MED12L: variants seen among roughly 807,000 people sequenced by gnomAD.
MED12L encodes mediator complex subunit 12L, also known as mediator of RNA polymerase II transcription subunit 12-like protein.
In MED12L, 60 loss-of-function variants were observed where a neutral mutation model predicts 281.3. That is an observed-to-expected ratio of 0.21 (90% CI 0.17 to 0.26). The LOEUF is 0.26. MED12L is among the 10% of genes least tolerant of loss of function. MED12L has a pLI of 1.00. For missense variants in MED12L, 2,146 were observed against 2,680.9 expected, an observed-to-expected ratio of 0.80 and a Z score of 4.41; for synonymous variants, 974 against 987.2, an observed-to-expected ratio of 0.99 and a Z score of 0.25.
chr3:151,122,874 A>G lies in MED12L; in HGVS notation c.296A>G (p.Lys99Arg), dbSNP rs201808479. 1 of 1,612,978 alleles carries G rather than the reference A, an allele frequency of 6.2e-7. No individual in the cohort carries two copies. The highest frequency in any genetic ancestry group is 8.5e-7 in the Non-Finnish European group (1 of 1,179,460). Residue 99 changes from lysine to arginine, a missense_variant, in exon 4 of 45, where the codon AAA becomes AGA. Coordinates refer to ENST00000687756, the MANE Select transcript of MED12L (RefSeq NM_001393769.1). ...AAGAAGAAACCACAAGTTAATGCTA[A>G]AGATAATTATTGGCTGGTTACTGCT... ...TGKKKPQVNA[K>R]DNYWLVTARS...
intron 16 of MED12L, chr3:151,329,137 A>G (rs1364211373): frequency 1.5e-6 from 1 of 663,118 alleles, no homozygotes; most frequent in Admixed American, 3.4e-5. Context: ...AACACTTTCA[A>G]TAGATGTGTT....
intron 12 of MED12L, 45 bp from the exon 13 acceptor site, chr3:151,188,309 A>T (rs368130202): frequency 6.7e-7 from 1 of 1,495,488 alleles, no homozygotes; most frequent in Non-Finnish European, 9.3e-7. Context: ...ATCTGTTATG[A>T]CTATACTTCT....
chr3:151,371,452 G>C (rs1756174566), intron 26 of MED12L, among the ~76,000 whole-genome samples: 1 of 152,116 alleles, frequency 6.6e-6, no homozygotes, highest in South Asian at 2.1e-4. Flanking sequence ...TACTCTTTGT[G>C]TTTGTATTTT....
intron 6 of MED12L, among the ~76,000 whole-genome samples, chr3:151,157,761 C>T (rs1211162061): frequency 1.3e-5 from 2 of 152,126 alleles, no homozygotes; most frequent in African/African-American, 4.8e-5. Flanking sequence ...TCACATGAAT[C>T]CTTGATAACC....
chr3:151,179,375 A>T (rs1053865196), intron 11 of MED12L, among the ~76,000 whole-genome samples: 1 of 152,056 alleles, frequency 6.6e-6, no homozygotes, highest in Admixed American at 6.5e-5. Context: ...AGAAACATAT[A>T]CTTTATTTGG....
At chr3:151,321,417 C>T (rs1391837540) in intron 16 of MED12L, among the ~76,000 whole-genome samples, 1 of 152,056 alleles carries the variant, frequency 6.6e-6, no homozygotes. Context: ...ACTTAGGAAA[C>T]TCAGTTGTAC....
intron 2 of MED12L, among the ~76,000 whole-genome samples, chr3:151,099,569 A>G (rs1470112925): frequency 2.6e-5 from 4 of 152,162 alleles, no homozygotes; most frequent in Admixed American, 2.0e-4. Flanking sequence ...TCTGCATTCA[A>G]TCTGTTTTGA....
At chr3:151,190,602 T>C (rs1723845557) in intron 13 of MED12L, 115 bp from the exon 14 acceptor site, 9 of 943,926 alleles carry the variant, frequency 9.5e-6, no homozygotes, top group Non-Finnish European at 1.4e-5. Context: ...CCAATAGATC[T>C]TTTTTTTCCC....
In MED12L at chr3:151,434,894, CTT is replaced by C. The variant is rs1173031527; in HGVS notation, c.*2095_*2096del. ...TGCACATGAAAGCTGTGGGGCATAT[CTT>C]TTTTCTTTTTTTAGGTGAGGAAGTT... On this transcript the variant is annotated 3_prime_UTR_variant, in exon 45 of 45. Coordinates refer to ENST00000687756, the MANE Select transcript of MED12L (RefSeq NM_001393769.1). The C allele has an allele frequency of 6.6e-6, 1 of 152,038 alleles. No homozygotes were observed. Among genetic ancestry groups the C allele is most frequent in the Non-Finnish European group, 1.5e-5 (1 of 67,986 alleles). 9.4% of individuals were successfully genotyped at this position (152,038 alleles called of 1,614,324 possible).
intron 11 of MED12L, among the ~76,000 whole-genome samples, chr3:151,169,095 TC>T (rs1227451269): frequency 6.6e-6 from 1 of 151,076 alleles, no homozygotes; most frequent in Admixed American, 6.7e-5. Context: ...GTTACTGTTT[TC>T]TTTTTCTTTG....
intron 16 of MED12L, among the ~76,000 whole-genome samples, chr3:151,211,052 A>G (rs189362509): frequency 1.3e-4 from 20 of 152,292 alleles, no homozygotes; most frequent in Admixed American, 9.8e-4. Context: ...CGCTGGGTTA[A>G]TTTATTATTG....
chr3:151,122,659 A>C lies in MED12L; in HGVS notation c.205-124A>C. 3 of 675,876 alleles carry C rather than the reference A, an allele frequency of 4.4e-6. No homozygotes were observed. The Middle Eastern group carries it at 1.2e-3, about 277-fold the overall frequency. The allele number at this position is 675,876 out of a possible 1,614,324, so 41.9% of individuals were successfully genotyped here. ...CTTGGCTTCAAAGACTTAAATTCCC[A>C]ATTTATTTTCTGATGGGATGTATGA... On this transcript the variant is annotated intron_variant, in intron 3 of 44. Transcript: ENST00000687756.
At chr3:151,241,473 C>G (rs941394570) in intron 16 of MED12L, among the ~76,000 whole-genome samples, 1 of 152,094 alleles carries the variant, frequency 6.6e-6, no homozygotes, top group African/African-American at 2.4e-5. Flanking sequence ...GTTGAAGAAA[C>G]ACTAAAGGCA....
chr3:151,399,125 T>A (rs1368810029), intron 39 of MED12L, among the ~76,000 whole-genome samples: 2 of 152,192 alleles, frequency 1.3e-5, no homozygotes, highest in Non-Finnish European at 1.5e-5. Context: ...TACACTATCT[T>A]TCTGTGCCTC....
intron 11 of MED12L, among the ~76,000 whole-genome samples, chr3:151,168,562 A>G (rs1721009809): frequency 6.6e-6 from 1 of 152,186 alleles, no homozygotes; most frequent in Non-Finnish European, 1.5e-5. Context: ...TTTAGCAGTA[A>G]TTATTTTGAA....
chr3:151,251,484 G>T (rs1457979908), intron 16 of MED12L, among the ~76,000 whole-genome samples: 1 of 152,034 alleles, frequency 6.6e-6, no homozygotes, highest in Non-Finnish European at 1.5e-5. Context: ...CCCACCCACA[G>T]GGTGTGTCCT....
chr3:151,127,712 A>C (rs1714737349), intron 4 of MED12L, 113 bp from the exon 5 acceptor site: 9 of 714,638 alleles, frequency 1.3e-5, no homozygotes. Context: ...ATACTTTCTT[A>C]GGGCCAGCAG....
chr3:151,193,527 C>T lies in MED12L; in HGVS notation c.2111C>T (p.Ala704Val), dbSNP rs771007428. The T allele has an allele frequency of 6.2e-7, 1 of 1,613,722 alleles. No homozygotes were observed. The highest frequency in any genetic ancestry group is 1.3e-5 in the African/African-American group (1 of 75,008). ...SPMPGESCEN[A>V]NTSLGRRMSV... ...ATGCCTGGAGAATCCTGTGAGAATG[C>T]CAACACTTCGTTGGGCAGAAGAATG... The change falls in exon 16 of 45, where the codon GCC (alanine) becomes GTC (valine). Residue 704 changes from alanine (A) to valine (V), a missense_variant. This residue lies in a region of MED12L where 722 missense variants were observed against 861.2 expected (regional missense o/e 0.84). Coordinates refer to ENST00000687756, the MANE Select transcript of MED12L (RefSeq NM_001393769.1).
intron 2 of MED12L, among the ~76,000 whole-genome samples, chr3:151,104,528 G>A (rs1432862660): frequency 6.6e-6 from 1 of 152,164 alleles, no homozygotes; most frequent in Non-Finnish European, 1.5e-5. Context: ...CTTGGCCATT[G>A]TAGACTCTGC....
Sources: gnomAD v4.1 joint callset for allele counts (sites outside exome capture counted in the v4.1 genomes callset) on GRCh38, gnomAD v4.1.1 for gene constraint, gnomAD v4.1.1 regional missense constraint, MANE v1.5 for transcripts, NCBI Gene and HGNC (gene_info 2026-07-23, HGNC 2026-07-21) for gene names.